The following ZNF768 variants were observed in gnomAD, a reference collection of about 807,000 sequenced individuals.
The protein encoded by ZNF768 is zinc finger protein 768.
In ZNF768, 12 loss-of-function variants were observed where a neutral mutation model predicts 39.7. The observed-to-expected ratio is 0.30, with a 90% CI of 0.19 to 0.49. The LOEUF is 0.49. Among genes scored for constraint, ZNF768 ranks in the 20% least tolerant of loss-of-function variants. ZNF768 has a pLI of 0.99. For synonymous variants in ZNF768, 360 were observed against 288.4 expected, an observed-to-expected ratio of 1.25 and a Z score of -2.52; for missense variants, 613 against 723.2, an observed-to-expected ratio of 0.85 and a Z score of 1.75.
At chr16:30,530,627 G>A (rs901203732), upstream of ZNF768, 1 of 152,260 alleles carries the variant, frequency 6.6e-6, no homozygotes, top group Non-Finnish European at 1.5e-5. This position sits in a 1 kb window ranked among gnomAD's most constrained non-coding sequence, Gnocchi z 4.4. Flanking sequence ...CTGAGGGAGA[G>A]AGAGACCACG....
rs1409783090 is a variant in ZNF768 at position 30,526,076 on chromosome 16, G to A, written c.89-25C>T. On this transcript the variant is annotated intron_variant, in intron 1 of 1. Transcript: ENST00000380412. Reference sequence around the variant, plus strand: ...CCTGCAGGATGAGAGAATCCAGATCGTGTGAGACCTGGAAGGTCATTTGGT... The same window carrying A: ...CCTGCAGGATGAGAGAATCCAGATCATGTGAGACCTGGAAGGTCATTTGGT... The A allele has an allele frequency of 4.7e-6, 7 of 1,492,784 alleles. No individual in the cohort carries two copies. The African/African-American group carries it at 7.1e-5, about 15-fold the overall frequency. 92.5% of individuals were successfully genotyped at this position (1,492,784 alleles called of 1,614,324 possible). A position where few individuals can be genotyped will look rare whatever the true frequency, so the allele number is the denominator to read the frequency against.
intron 1 of ZNF768, 71 bp downstream of exon 1, chr16:30,526,255 C>T (rs2051322374): frequency 6.3e-7 from 1 of 1,591,578 alleles, no homozygotes; most frequent in African/African-American, 1.4e-5. Context: ...CGGGCCCTCG[C>T]TCCCTCCCTG....
At chr16:30,526,915 G>A, upstream of ZNF768, 3 of 985,522 alleles carry the variant, frequency 3.0e-6, no homozygotes, top group Non-Finnish European at 3.6e-6. Flanking sequence ...CCCTGGGCTG[G>A]AGGGGCCCGG....
In ZNF768 at chr16:30,525,779, A is replaced by T. The variant is rs758062822; in HGVS notation, c.361T>A (p.Tyr121Asn). The change falls in exon 2 of 2, where the codon TAT becomes AAT. Residue 121 changes from tyrosine (Y) to asparagine (N), a missense_variant. By Grantham distance (143) the Tyr-to-Asn change is moderately radical (BLOSUM62 -2). Coordinates refer to ENST00000380412, the MANE Select transcript of ZNF768 (RefSeq NM_024671.4). ...SPEFESQSPR[Y>N]EPQSPGYEPR... ...TCATAGCCAGGGCTTTGGGGTTCAT[A>T]CCTAGGGCTCTGGGATTCAAACTCA... 6.4e-7 allele frequency: 1 copy of T among 1,573,662 alleles called. No homozygotes were observed. The highest frequency in any genetic ancestry group is 8.6e-7 in the Non-Finnish European group (1 of 1,164,210).
chr16:30,528,034 T>C (rs1423267455), upstream of ZNF768: 2 of 152,232 alleles, frequency 1.3e-5, no homozygotes, highest in African/African-American at 4.8e-5. Flanking sequence ...TGTCTTTTTT[T>C]TCTACGCTTC....
Position 30,525,561 on chromosome 16 carries a change from G to A in ZNF768, c.579C>T (p.His193=). The part of the protein sequence containing the change: ...KSPLNISVGV[H]PLDSFTQGFG... ...ACCCCTGAGTGAAGGAGTCCAGGGG[G>A]TGAACTCCTACGGAGATATTCAAAG... The change falls in exon 2 of 2, where the codon CAC becomes CAT. Residue 193 remains histidine (H), a synonymous_variant. Transcript: ENST00000380412. 1.9e-6 allele frequency: 3 copies of A among 1,614,246 alleles called. No homozygotes were observed. The highest frequency in any genetic ancestry group is 2.2e-5 in the East Asian group (1 of 44,894).
chr16:30,524,284 C>G lies in ZNF768; in HGVS notation c.*233G>C, dbSNP rs964663269. The G allele has an allele frequency of 1.5e-6, 1 of 657,488 alleles. No individual in the cohort carries two copies. Among genetic ancestry groups the G allele is most frequent in the Non-Finnish European group, 2.4e-6 (1 of 411,876 alleles). 40.7% of individuals were successfully genotyped at this position (657,488 alleles called of 1,614,324 possible). A position where few individuals can be genotyped will look rare whatever the true frequency, so the allele number is the denominator to read the frequency against. On this transcript the variant is annotated 3_prime_UTR_variant, in exon 2 of 2. Transcript: ENST00000380412. Reference sequence around the variant, plus strand: ...GGAGCCGCGGCTGAGGCCAGCCCTCCGCTGACCTCTCTCCATTTCTCCCAG... The same window carrying G: ...GGAGCCGCGGCTGAGGCCAGCCCTCGGCTGACCTCTCTCCATTTCTCCCAG...
upstream of ZNF768, chr16:30,526,917 G>C (rs1367415637): frequency 6.1e-6 from 6 of 985,514 alleles, no homozygotes; most frequent in Non-Finnish European, 7.2e-6. Flanking sequence ...CTGGGCTGGA[G>C]GGGCCCGGCC....
rs758187641 is a variant in ZNF768 at position 30,525,886 on chromosome 16, C to T, written c.254G>A (p.Gly85Glu). Residue 85 changes from glycine to glutamate, a missense_variant, in exon 2 of 2, where the codon GGG becomes GAG. Physicochemically the swap from Gly to Glu is moderately conservative, Grantham distance 98. Coordinates refer to ENST00000380412, the MANE Select transcript of ZNF768 (RefSeq NM_024671.4). Reference protein sequence around the residue: ...QSPRFEPESPGFESRSPGLVP... With the variant: ...QSPRFEPESPEFESRSPGLVP... ...AAGCCCAGGGCTTCGGGACTCAAAC[C>T]CCGGGCTTTCAGGCTCAAATCTGGG... The T allele has an allele frequency of 1.1e-5, 17 of 1,518,804 alleles. 1 individual carries two copies. In the South Asian group the frequency reaches 2.0e-4, roughly 18 times the overall value. The allele number at this position is 1,518,804 out of a possible 1,614,324, so 94.1% of individuals were successfully genotyped here.
Position 30,524,991 on chromosome 16 carries a change from G to T in ZNF768, c.1149C>A (p.Ser383Arg). The change falls in exon 2 of 2, where the codon AGC becomes AGA. Residue 383 changes from serine (S) to arginine (R), a missense_variant. Ser to Arg is a moderately radical substitution (Grantham distance 110). Around this residue, in one of 4 missense-constraint regions of ZNF768, gnomAD observed 204 missense variants for 281.7 expected, o/e 0.72. Coordinates refer to ENST00000380412, the MANE Select transcript of ZNF768 (RefSeq NM_024671.4). ...YSCTECGKCY[S>R]QNSSLRSHQR... ...GATGGCTGCGCAGGGACGAGTTCTG[G>T]CTATAGCACTTGCCGCACTCGGTGC... The T allele has an allele frequency of 6.2e-7, 1 of 1,613,812 alleles. No individual in the cohort carries two copies. Among genetic ancestry groups the T allele is most frequent in the Non-Finnish European group, 8.5e-7 (1 of 1,179,940 alleles).
rs2051300033 is a variant in ZNF768, at chr16:30,524,384, C to T, written c.*133G>A. 1.4e-6 allele frequency: 2 copies of T among 1,395,170 alleles called. No homozygotes were observed. Among genetic ancestry groups the T allele is most frequent in the East Asian group, 2.5e-5 (1 of 40,702 alleles). 86.4% of individuals were successfully genotyped at this position (1,395,170 alleles called of 1,614,324 possible). A position where few individuals can be genotyped will look rare whatever the true frequency, so the allele number is the denominator to read the frequency against. On this transcript the variant is annotated 3_prime_UTR_variant, in exon 2 of 2. Transcript: ENST00000380412. ...TCCAGGGCATGTCACTTCCTCCACCCTGGTTCTCTTCTTCCAGCATCCTCA... is the reference window on the plus strand; with the variant it reads ...TCCAGGGCATGTCACTTCCTCCACCTTGGTTCTCTTCTTCCAGCATCCTCA...
In ZNF768 at chr16:30,525,394, C is replaced by A. The variant is rs1277589131; in HGVS notation, c.746G>T (p.Gly249Val). 2 of 1,614,142 alleles carry A rather than the reference C, an allele frequency of 1.2e-6. No homozygotes were observed. ...TGALRGPGRR[G>V]GRARGGQGPR... The stretch of plus-strand genomic sequence containing the variant: ...GCCCTGCCCACCCCTGGCCCGGCCA[C>A]CCCGCCGACCTGGACCTCGAAGGGC... The change falls in exon 2 of 2, where the codon GGT (glycine) becomes GTT (valine). Residue 249 changes from glycine to valine, a missense_variant. Physicochemically the swap from Gly to Val is moderately radical, Grantham distance 109. Coordinates refer to ENST00000380412, the MANE Select transcript of ZNF768 (RefSeq NM_024671.4).
upstream of ZNF768, among the ~76,000 whole-genome samples, chr16:30,529,874 A>G (rs1438923192): frequency 7.3e-6 from 1 of 137,678 alleles, no homozygotes; most frequent in Non-Finnish European, 1.5e-5. Flanking sequence ...CCCAGGCTGG[A>G]GTGCAGTGGT....
Position 30,525,742 on chromosome 16 carries a change from G to A in ZNF768, c.398C>T (p.Pro133Leu), listed in dbSNP as rs756808554. 1.2e-6 allele frequency: 2 copies of A among 1,605,990 alleles called. No individual in the cohort carries two copies. Among genetic ancestry groups the A allele is most frequent in the South Asian group, 2.2e-5 (2 of 90,224 alleles). Residue 133 changes from proline to leucine, a missense_variant, in exon 2 of 2, where the codon CCC becomes CTC. By Grantham distance (98) the Pro-to-Leu change is moderately conservative (BLOSUM62 -3). Transcript: ENST00000380412. ...GCCAGGGCTCCGGGGTTCATACCCGGGGCTCCGAGGTTCATAGCCAGGGCT... is the reference window on the plus strand; with the variant it reads ...GCCAGGGCTCCGGGGTTCATACCCGAGGCTCCGAGGTTCATAGCCAGGGCT... ...PQSPGYEPRS[P>L]GYEPRSPGYE...
rs767664033 is a variant in ZNF768, at chr16:30,524,643, C to T, written c.1497G>A (p.Thr499=). ...TGTGGACCCGGTGATGCTGCAGAAG[C>T]GTGGAGGAGCGGCAGAAGCCCTTGC... ...VCGKGFCRSS[T]LLQHHRVHSG... The change falls in exon 2 of 2, where the codon ACG becomes ACA. Residue 499 remains threonine (T), a synonymous_variant. Transcript: ENST00000380412. 4 of 1,612,692 alleles carry T rather than the reference C, an allele frequency of 2.5e-6. No homozygotes were observed. The highest frequency in any genetic ancestry group is 3.4e-6 in the Non-Finnish European group (4 of 1,179,842).
chr16:30,532,180 ACAG>A, the ZNF768 span: 1 of 440,984 alleles, frequency 2.3e-6, no homozygotes, highest in Non-Finnish European at 4.0e-6. Context: ...GAAAAAGACA[ACAG>A]AGAAAACAAG....
chr16:30,526,176 C>G (rs2051321737), intron 1 of ZNF768, 125 bp from the exon 2 acceptor site: 1 of 1,503,904 alleles, frequency 6.6e-7, no homozygotes, highest in African/African-American at 1.4e-5. Context: ...ATTCCCACGC[C>G]CCCCTCAGCT....
chr16:30,526,545 G>A lies in ZNF768; in HGVS notation c.-132C>T. The A allele has an allele frequency of 9.3e-7, 1 of 1,078,658 alleles. No homozygotes were observed. The highest frequency in any genetic ancestry group is 1.1e-6 in the Non-Finnish European group (1 of 891,724). The allele number at this position is 1,078,658 out of a possible 1,614,324, so 66.8% of individuals were successfully genotyped here. The stretch of plus-strand genomic sequence containing the variant: ...CCCAGGGGACTCGGCGGCCCAGCCC[G>A]GGCCCCCGAGGCCGGACGTCTTGAC... On this transcript the variant is annotated 5_prime_UTR_variant, in exon 1 of 2. Transcript: ENST00000380412.
upstream of ZNF768, among the ~76,000 whole-genome samples, chr16:30,529,892 C>G (rs147295398): frequency 1.4e-5 from 2 of 147,784 alleles, no homozygotes; most frequent in East Asian, 2.0e-4. Context: ...GGTGCTATCT[C>G]TGCTCAGTGC....
Sources: gnomAD v4.1 joint callset for allele counts (sites outside exome capture counted in the v4.1 genomes callset) on GRCh38, gnomAD v4.1.1 for gene constraint, gnomAD v4.1.1 regional missense constraint, Gnocchi (gnomAD v3.1) non-coding constraint, MANE v1.5 for transcripts, NCBI Gene and HGNC (gene_info 2026-07-23, HGNC 2026-07-21) for gene names.